The following TET2 variants were observed in gnomAD, a reference collection of about 807,000 sequenced individuals.
TET2 encodes the protein tet methylcytosine dioxygenase 2.
Under a neutral mutation model 142.9 loss-of-function variants are expected in TET2, and 299 were observed. The ratio of observed to expected loss-of-function variants is 2.09; its 90% CI spans 1.90 to 2.30. TET2 has a LOEUF of 2.30. Among genes scored for constraint, TET2 ranks in the 30% most tolerant of loss-of-function variants. TET2 has a pLI of 0.00. For missense variants in TET2, 2,418 were observed against 2,378.0 expected (o/e 1.02, Z -0.35); for synonymous variants, 819 against 849.0 (o/e 0.96, Z 0.61).
At chr4:105,230,541 A>G (rs909034188) in intron 2 of TET2, among the ~76,000 whole-genome samples, 13 of 152,180 alleles carry the variant, frequency 8.5e-5, no homozygotes, top group African/African-American at 3.1e-4. Flanking sequence ...GAAGAGAAAA[A>G]AACTGTACCT....
At chr4:105,267,515 AG>A (rs889692210) in intron 8 of TET2, among the ~76,000 whole-genome samples, 5 of 148,998 alleles carry the variant, frequency 3.4e-5, no homozygotes, top group Non-Finnish European at 7.4e-5. Flanking sequence ...GAGACGTTAG[AG>A]TACACTGTGT....
At chr4:105,260,531 G>GTA (rs1468908156) in intron 7 of TET2, among the ~76,000 whole-genome samples, 1 of 151,854 alleles carries the variant, frequency 6.6e-6, no homozygotes, top group African/African-American at 2.4e-5. Context: ...GAAAACCTCA[G>GTA]TATATTTAGC....
chr4:105,163,812 A>T (rs1723981787), intron 1 of TET2, among the ~76,000 whole-genome samples: 1 of 22,244 alleles, frequency 4.5e-5, no homozygotes, highest in Non-Finnish European at 7.4e-5. Context: ...GTTTCGAGAG[A>T]GAGAGAGAGA....
rs370689328 is a variant in TET2, at chr4:105,235,821, C to T, written c.1879C>T (p.Leu627=). The change falls in exon 3 of 11, where the codon CTG becomes TTG. Residue 627 remains leucine (L), a synonymous_variant. Coordinates refer to ENST00000380013, the MANE Select transcript of TET2 (RefSeq NM_001127208.3). The part of the protein sequence containing the change: ...RQAYTQKTTQ[L]EHKSQMYQVE... The stretch of plus-strand genomic sequence containing the variant: ...AGCTTACACCCAGAAAACAACACAG[C>T]TGGAGCACAAGTCACAAATGTACCA... The T allele has an allele frequency of 6.2e-7, 1 of 1,613,946 alleles. No homozygotes were observed. Among genetic ancestry groups the T allele is most frequent in the African/African-American group, 1.3e-5 (1 of 74,942 alleles).
At chr4:105,266,074 A>G (rs1730668016) in intron 8 of TET2, among the ~76,000 whole-genome samples, 1 of 152,176 alleles carries the variant, frequency 6.6e-6, no homozygotes, top group African/African-American at 2.4e-5. Context: ...AGTATTAAAC[A>G]GCACATGCAT....
chr4:105,256,206 G>A (rs1258575589), intron 6 of TET2, among the ~76,000 whole-genome samples: 2 of 151,986 alleles, frequency 1.3e-5, no homozygotes, highest in Non-Finnish European at 2.9e-5. Context: ...TATCTTTACT[G>A]GTGCTCTTTA....
At chr4:105,146,764 A>G (rs1244087118), upstream of TET2, 1 of 152,036 alleles carries the variant, frequency 6.6e-6, no homozygotes, top group African/African-American at 2.4e-5. Flanking sequence ...GCTCGCATGC[A>G]AGTCACGTCC....
intron 2 of TET2, among the ~76,000 whole-genome samples, chr4:105,212,717 C>T (rs766906239): frequency 5.9e-5 from 9 of 151,966 alleles, no homozygotes; most frequent in African/African-American, 1.7e-4. Context: ...CAGCCAGGTG[C>T]GGTAGCTCAC....
rs368461198 is a variant in TET2, at chr4:105,211,551, T to C, written c.-47+21046T>C. The stretch of plus-strand genomic sequence containing the variant: ...GCCATTAAGAAGGAGCAATGAGAGA[T>C]AGAGGAAAACTAAGAACAAGGTGTC... On this transcript the variant is annotated intron_variant, in intron 2 of 10. Transcript: ENST00000380013. Among the ~76,000 whole-genome samples, 6 of 152,036 alleles carry C rather than the reference T, an allele frequency of 3.9e-5. No individual in the cohort carries two copies. In the East Asian group the frequency reaches 7.7e-4, roughly 20 times the overall value.
At chr4:105,211,747 A>T (rs1032281853) in intron 2 of TET2, among the ~76,000 whole-genome samples, 1 of 152,198 alleles carries the variant, frequency 6.6e-6, no homozygotes, top group Non-Finnish European at 1.5e-5. Flanking sequence ...GCATAGAGGC[A>T]TAGAGGCAGA....
chr4:105,184,719 A>G (rs972017860), intron 1 of TET2, among the ~76,000 whole-genome samples: 1 of 140,098 alleles, frequency 7.1e-6, no homozygotes, highest in African/African-American at 2.6e-5. Flanking sequence ...ACTTGCAGAG[A>G]GGTGTGTGTG....
chr4:105,217,174 C>T (rs1370134663), intron 2 of TET2, among the ~76,000 whole-genome samples: 1 of 151,658 alleles, frequency 6.6e-6, no homozygotes, highest in Non-Finnish European at 1.5e-5. Flanking sequence ...AAAGGCATAA[C>T]TTGGATGGTC....
chr4:105,218,409 A>C (rs941276132), intron 2 of TET2, among the ~76,000 whole-genome samples: 2 of 152,014 alleles, frequency 1.3e-5, no homozygotes, highest in African/African-American at 4.8e-5. Context: ...CTTCTTCCTC[A>C]TGTCGGCTAT....
intron 2 of TET2, among the ~76,000 whole-genome samples, chr4:105,206,758 T>G (rs1191015843): frequency 1.3e-5 from 2 of 152,228 alleles, no homozygotes; most frequent in Non-Finnish European, 2.9e-5. Flanking sequence ...TTAAATCATT[T>G]ACTGGAAAGA....
chr4:105,214,852 A>G (rs1164728136), intron 2 of TET2, among the ~76,000 whole-genome samples: 1 of 152,122 alleles, frequency 6.6e-6, no homozygotes, highest in Non-Finnish European at 1.5e-5. Flanking sequence ...TTGATAAACC[A>G]GCAAATATAA....
rs781726202 is a variant in TET2, at chr4:105,236,463, G to C, written c.2521G>C (p.Val841Leu). 6.2e-7 allele frequency: 1 copy of C among 1,614,112 alleles called. No homozygotes were observed. Among genetic ancestry groups the C allele is most frequent in the Non-Finnish European group, 8.5e-7 (1 of 1,180,012 alleles). Residue 841 changes from valine (V) to leucine (L), a missense_variant, in exon 3 of 11, where the codon GTT (valine) becomes CTT (leucine). By Grantham distance (32) the Val-to-Leu change is conservative. Coordinates refer to ENST00000380013, the MANE Select transcript of TET2 (RefSeq NM_001127208.3). Reference protein sequence around the residue: ...QVSCSNNTHLVSENKEQTTHP... With the variant: ...QVSCSNNTHLLSENKEQTTHP... Reference sequence around the variant, plus strand: ...TTCTTGTTCAAACAATACACACCTAGTTTCAGAGAATAAAGAACAGACTAC... The same window carrying C: ...TTCTTGTTCAAACAATACACACCTACTTTCAGAGAATAAAGAACAGACTAC...
At chr4:105,212,513 A>G (rs1406549189) in intron 2 of TET2, among the ~76,000 whole-genome samples, 2 of 152,176 alleles carry the variant, frequency 1.3e-5, no homozygotes, top group African/African-American at 4.8e-5. Flanking sequence ...ACATATATAC[A>G]TGCCTTAAAC....
chr4:105,216,619 T>G (rs1455229952), intron 2 of TET2, among the ~76,000 whole-genome samples: 11 of 152,100 alleles, frequency 7.2e-5, no homozygotes, highest in Admixed American at 4.6e-4. Flanking sequence ...ATATAAACTT[T>G]AAAAGTAATG....
intron 3 of TET2, chr4:105,240,303 A>G (rs973990817): frequency 3.8e-6 from 4 of 1,047,798 alleles, no homozygotes; most frequent in Admixed American, 1.1e-4. Context: ...ACAAAGCACA[A>G]TAAAACGAGG....
Sources: allele counts gnomAD v4.1 joint callset (sites outside exome capture counted in the v4.1 genomes callset), GRCh38; gene constraint gnomAD v4.1.1; transcripts MANE v1.5; gene names NCBI Gene and HGNC (gene_info 2026-07-23, HGNC 2026-07-21).